The following GALNTL6 variants were observed in gnomAD, a reference collection of about 807,000 sequenced individuals.
The protein encoded by GALNTL6 is polypeptide N-acetylgalactosaminyltransferase-like 6.
A neutral mutation model predicts 73.7 loss-of-function variants in GALNTL6; 46 were observed. The observed-to-expected ratio is 0.62, with a 90% CI of 0.49 to 0.80. The LOEUF (loss-of-function observed/expected upper bound fraction) is 0.80. Ranked by LOEUF, GALNTL6 falls within the 30% of genes least tolerant of loss-of-function variation. GALNTL6 has a pLI of 0.00. For missense variants in GALNTL6, 604 were observed against 755.0 expected (o/e 0.80, Z 2.34); for synonymous variants, 259 against 263.7 (o/e 0.98, Z 0.17).
chr4:171,854,953 T>G, intron 2 of GALNTL6, among the ~76,000 whole-genome samples: 1 of 152,220 alleles, frequency 6.6e-6, no homozygotes, highest in East Asian at 1.9e-4. Flanking sequence ...ATGCTCTAGC[T>G]GAGACGACAT....
At chr4:172,127,723 G>A (rs1033283676) in intron 2 of GALNTL6, among the ~76,000 whole-genome samples, 69 of 152,148 alleles carry the variant, frequency 4.5e-4, no homozygotes, top group Admixed American at 2.6e-4. Flanking sequence ...CTTATTTATC[G>A]AAGTGTTATA....
At chr4:172,633,499 C>G (rs28790960) in intron 5 of GALNTL6, among the ~76,000 whole-genome samples, 13,150 of 152,228 alleles carry the variant, frequency 0.086, 631 homozygotes, top group South Asian at 0.14. Context: ...AATGCCTGTA[C>G]CCCCATTGTA....
chr4:172,276,138 G>A (rs1016716477), intron 3 of GALNTL6, among the ~76,000 whole-genome samples: 3 of 152,168 alleles, frequency 2.0e-5, no homozygotes, highest in Admixed American at 1.3e-4. Context: ...CATGGCCATG[G>A]GAAGTTATGG....
rs1459196694 is a variant in GALNTL6 at position 172,887,565 on chromosome 4, TTTA to T, written c.1041+4661_1041+4663del. Among the ~76,000 whole-genome samples the T allele has an allele frequency of 9.7e-3, 1,459 of 151,026 alleles. 30 individuals are homozygous for T. The highest frequency in any genetic ancestry group is 0.034 in the African/African-American group (1,392 of 41,230). ...ATTTATTTATTTATTTATTTATTTA[TTTA>T]TTTATTTATTTTTGAGATCGAGTCT... is the stretch of plus-strand genomic sequence containing the variant. On this transcript the variant is annotated intron_variant, in intron 8 of 12. Coordinates refer to ENST00000506823, the MANE Select transcript of GALNTL6 (RefSeq NM_001034845.3).
chr4:172,363,188 A>G (rs1423279155), intron 5 of GALNTL6, among the ~76,000 whole-genome samples: 1 of 152,122 alleles, frequency 6.6e-6, no homozygotes, highest in Non-Finnish European at 1.5e-5. Context: ...CACATGGCAT[A>G]TATTTATCAC....
intron 2 of GALNTL6, among the ~76,000 whole-genome samples, chr4:172,133,219 C>G (rs1733547537): frequency 6.6e-6 from 1 of 152,116 alleles, no homozygotes; most frequent in Non-Finnish European, 1.5e-5. Context: ...GTTTTTCTCC[C>G]TTAAGTATGT....
chr4:172,610,934 A>G (rs1314164604), intron 5 of GALNTL6, among the ~76,000 whole-genome samples: 1 of 152,046 alleles, frequency 6.6e-6, no homozygotes, highest in Non-Finnish European at 1.5e-5. Flanking sequence ...CTTTACAATT[A>G]TGTAATGGCC....
At position 171,813,985 on chromosome 4, in the gene GALNTL6, G is replaced by A. The variant is rs1734452769; in HGVS notation, c.-175G>A. On this transcript the variant is annotated 5_prime_UTR_variant, in exon 1 of 13. Transcript: ENST00000506823. This position sits in a 1 kb window ranked among gnomAD's most constrained non-coding sequence, Gnocchi z 5.2. ...TGGCTCCGGAGGGAGTTGAACTTGA[G>A]TTCAGGTGGGTTATCCCAAGGGGAG... 6.6e-6 allele frequency: 1 copy of A among 152,360 alleles called. No individual in the cohort carries two copies. The highest frequency in any genetic ancestry group is 1.5e-5 in the Non-Finnish European group (1 of 68,162). The allele number at this position is 152,360 out of a possible 1,614,324, so 9.4% of individuals were successfully genotyped here.
intron 2 of GALNTL6, among the ~76,000 whole-genome samples, chr4:172,000,781 G>A (rs1173275549): frequency 3.9e-5 from 6 of 152,070 alleles, no homozygotes; most frequent in Non-Finnish European, 7.4e-5. Context: ...CCAGACTATT[G>A]GAGGAGCTGC....
intron 2 of GALNTL6, among the ~76,000 whole-genome samples, chr4:171,840,712 T>A (rs1412548076): frequency 6.6e-6 from 1 of 152,168 alleles, no homozygotes; most frequent in East Asian, 1.9e-4. Context: ...GCAATAGAGT[T>A]TCGTGTAACA....
intron 2 of GALNTL6, among the ~76,000 whole-genome samples, chr4:172,030,861 C>T (rs1050165977): frequency 1.3e-5 from 2 of 151,742 alleles, no homozygotes; most frequent in Non-Finnish European, 1.5e-5. Flanking sequence ...TATAATTTTA[C>T]AGCATCTGGA....
In GALNTL6 at chr4:172,615,205, G is replaced by A. The variant is rs528369215; in HGVS notation, c.554-194156G>A. 9.1e-3 allele frequency among the ~76,000 whole-genome samples: 1,279 copies of A among 140,624 alleles called. 22 individuals are homozygous for A. Among genetic ancestry groups the A allele is most frequent in the African/African-American group, 0.033 (1,211 of 36,726 alleles). 92.3% of individuals were successfully genotyped at this position (140,624 alleles called of 152,430 possible). On this transcript the variant is annotated intron_variant, in intron 5 of 12. Coordinates refer to ENST00000506823, the MANE Select transcript of GALNTL6 (RefSeq NM_001034845.3). ...CAGGTAGTTTAAAAAAAAAAAAAAA[G>A]ACTAGTCTAATATCTCACAGTGAGA...
intron 5 of GALNTL6, among the ~76,000 whole-genome samples, chr4:172,685,502 C>A (rs1467718247): frequency 6.6e-6 from 1 of 152,186 alleles, no homozygotes; most frequent in East Asian, 1.9e-4. Context: ...AAGAACCGAG[C>A]AAGAATTGAT....
At chr4:172,322,885 T>G (rs150894933) in intron 4 of GALNTL6, among the ~76,000 whole-genome samples, 2 of 152,134 alleles carry the variant, frequency 1.3e-5, no homozygotes, top group East Asian at 3.9e-4. Flanking sequence ...CAGACTCAGA[T>G]AAATGCAGGA....
chr4:172,461,706 T>C (rs1446147912), intron 5 of GALNTL6, among the ~76,000 whole-genome samples: 2 of 152,250 alleles, frequency 1.3e-5, no homozygotes, highest in Non-Finnish European at 2.9e-5. Context: ...TTCAGTTGAA[T>C]GTTTTTGCTT....
intron 10 of GALNTL6, among the ~76,000 whole-genome samples, 194 bp from the exon 11 acceptor site, chr4:173,008,984 G>A (rs913871300): frequency 8.5e-5 from 13 of 152,190 alleles, no homozygotes; most frequent in Non-Finnish European, 1.6e-4. Flanking sequence ...TGTTAAGCCT[G>A]TGAAGATGGC....
At chr4:172,332,584 A>G (rs1313862226) in intron 4 of GALNTL6, among the ~76,000 whole-genome samples, 1 of 151,952 alleles carries the variant, frequency 6.6e-6, no homozygotes, top group Non-Finnish European at 1.5e-5. Context: ...CCTTATTTTA[A>G]TTAAGATAAT....
intron 7 of GALNTL6, among the ~76,000 whole-genome samples, chr4:172,846,660 C>A (rs1743525863): frequency 6.6e-6 from 1 of 152,112 alleles, no homozygotes; most frequent in Admixed American, 6.6e-5. Context: ...CATGAGTGGA[C>A]CTCAGCAATG....
intron 5 of GALNTL6, among the ~76,000 whole-genome samples, chr4:172,419,227 A>G (rs1224556415): frequency 6.6e-6 from 1 of 152,142 alleles, no homozygotes; most frequent in Non-Finnish European, 1.5e-5. Flanking sequence ...CATCCTGTTG[A>G]TTAAAGACCA....
Sources: allele counts gnomAD v4.1 joint callset (sites outside exome capture counted in the v4.1 genomes callset), GRCh38; gene constraint gnomAD v4.1.1; non-coding constraint Gnocchi (gnomAD v3.1); transcripts MANE v1.5; gene names NCBI Gene and HGNC (gene_info 2026-07-23, HGNC 2026-07-21).